Variants in PTDSS1 observed in about 807,000 individuals in gnomAD.
The protein encoded by PTDSS1 is PSS-1.
In PTDSS1, 45 loss-of-function variants were observed where a neutral mutation model predicts 70.5. The observed-to-expected ratio is 0.64, with a 90% CI of 0.50 to 0.82. The LOEUF is 0.82. Ranked by LOEUF, PTDSS1 falls within the 40% of genes least tolerant of loss-of-function variation. The pLI, the probability that PTDSS1 is intolerant of heterozygous loss-of-function variation, is 0.00. For missense variants in PTDSS1, 417 were observed against 586.1 expected (o/e 0.71, Z 2.98); for synonymous variants, 188 against 203.8 (o/e 0.92, Z 0.66).
At chr8:96,290,037 A>G (rs1810880053) in intron 4 of PTDSS1, among the ~76,000 whole-genome samples, 1 of 152,150 alleles carries the variant, frequency 6.6e-6, no homozygotes, top group South Asian at 2.1e-4. Flanking sequence ...TATTCTACAT[A>G]AGCCTCGTGC....
chr8:96,324,986 A>G (rs1811419263), intron 10 of PTDSS1, among the ~76,000 whole-genome samples: 1 of 152,222 alleles, frequency 6.6e-6, no homozygotes. Context: ...CTTCATTCAC[A>G]GACAGTTGCT....
At chr8:96,320,000 A>C (rs1268577461) in intron 9 of PTDSS1, among the ~76,000 whole-genome samples, 1 of 152,182 alleles carries the variant, frequency 6.6e-6, no homozygotes, top group Admixed American at 6.5e-5. Context: ...CAGTGCCCCT[A>C]GCTATTAAAA....
chr8:96,328,041 AC>A (rs1811462641), intron 10 of PTDSS1, among the ~76,000 whole-genome samples: 1 of 152,136 alleles, frequency 6.6e-6, no homozygotes, highest in Non-Finnish European at 1.5e-5. Flanking sequence ...CCTTTGTGTG[AC>A]GATTGTGATG....
intron 5 of PTDSS1, 130 bp downstream of exon 5, chr8:96,295,386 C>A: frequency 2.0e-6 from 2 of 992,772 alleles, no homozygotes; most frequent in Non-Finnish European, 2.7e-6. Context: ...GTATTTAAAC[C>A]ATCCCATAAG....
intron 5 of PTDSS1, among the ~76,000 whole-genome samples, chr8:96,296,995 G>T (rs186533441): frequency 6.6e-6 from 1 of 152,138 alleles, no homozygotes; most frequent in Non-Finnish European, 1.5e-5. Flanking sequence ...ATAGAGTTCT[G>T]TAGAGTCTTC....
At chr8:96,300,303 CATT>C (rs1431042940) in intron 6 of PTDSS1, among the ~76,000 whole-genome samples, 35 of 152,210 alleles carry the variant, frequency 2.3e-4, no homozygotes, top group Non-Finnish European at 4.3e-4. Flanking sequence ...TCAATACATC[CATT>C]ACCCCAGTAG....
Position 96,330,301 on chromosome 8 carries a change from CA to C in PTDSS1, c.1242+21del, listed in dbSNP as rs1266892609. 2.5e-6 allele frequency: 4 copies of C among 1,595,968 alleles called. No homozygotes were observed. The African/African-American group carries it at 5.4e-5, about 21-fold the overall frequency. On this transcript the variant is annotated intron_variant, in intron 11 of 12. Coordinates refer to ENST00000517309, the MANE Select transcript of PTDSS1 (RefSeq NM_014754.3). ...GAAAAGGTATGGAAGGAGAGGCAGG[CA>C]TGGCCATTGTTTAAAATAATCACCC...
chr8:96,286,650 A>G (rs556020452), intron 3 of PTDSS1, among the ~76,000 whole-genome samples: 6 of 152,326 alleles, frequency 3.9e-5, no homozygotes, highest in African/African-American at 1.4e-4. Flanking sequence ...CCTCTCTGCC[A>G]GTGCTCTAGC....
chr8:96,287,809 C>T (rs1810845587), intron 4 of PTDSS1, among the ~76,000 whole-genome samples: 1 of 152,130 alleles, frequency 6.6e-6, no homozygotes, highest in African/African-American at 2.4e-5. Context: ...ACTGAAGAGA[C>T]TAATTATGTG....
intron 2 of PTDSS1, among the ~76,000 whole-genome samples, chr8:96,273,628 G>C (rs1810598307): frequency 6.6e-6 from 1 of 152,148 alleles, no homozygotes; most frequent in Non-Finnish European, 1.5e-5. Flanking sequence ...AGACAGGTAC[G>C]GTTGTGAGGG....
At chr8:96,303,940 T>C in intron 6 of PTDSS1, 100 bp from the exon 7 acceptor site, 1 of 1,275,064 alleles carries the variant, frequency 7.8e-7, no homozygotes, top group Non-Finnish European at 1.1e-6. Context: ...GTCCTGAGCA[T>C]TTATTATAAA....
chr8:96,272,627 A>T (rs1810582650), intron 1 of PTDSS1, among the ~76,000 whole-genome samples: 1 of 152,224 alleles, frequency 6.6e-6, no homozygotes, highest in African/African-American at 2.4e-5. Flanking sequence ...ACCTCAGACA[A>T]GTTACTTAAT....
At chr8:96,275,897 A>G (rs540498131) in intron 2 of PTDSS1, among the ~76,000 whole-genome samples, 2 of 151,774 alleles carry the variant, frequency 1.3e-5, no homozygotes, top group African/African-American at 4.8e-5. Context: ...CTCTATTCCT[A>G]CTTTTCTCTT....
chr8:96,281,178 A>AT (rs1310090623), intron 2 of PTDSS1, among the ~76,000 whole-genome samples: 1 of 152,206 alleles, frequency 6.6e-6, no homozygotes, highest in East Asian at 1.9e-4. Flanking sequence ...CTCATCCTCG[A>AT]TTTTTTTTAA....
Position 96,333,915 on chromosome 8 carries a change from C to T in PTDSS1, c.*349C>T, listed in dbSNP as rs115533149. The T allele has an allele frequency of 0.01, 6,023 of 588,396 alleles. 244 individuals are homozygous for T. Among genetic ancestry groups the T allele is most frequent in the African/African-American group, 0.097 (5,241 of 53,796 alleles). The allele number at this position is 588,396 out of a possible 1,614,324, so 36.4% of individuals were successfully genotyped here. Reference sequence around the variant, plus strand: ...TGGATCGTGGATGCAGCGTAAACATCTTCCTTCAGACGAGGCATTAACCCC... The same window carrying T: ...TGGATCGTGGATGCAGCGTAAACATTTTCCTTCAGACGAGGCATTAACCCC... On this transcript the variant is annotated 3_prime_UTR_variant, in exon 13 of 13. Coordinates refer to ENST00000517309, the MANE Select transcript of PTDSS1 (RefSeq NM_014754.3).
At chr8:96,276,112 GA>G (rs375985111) in intron 2 of PTDSS1, among the ~76,000 whole-genome samples, 5 of 152,298 alleles carry the variant, frequency 3.3e-5, no homozygotes, top group Non-Finnish European at 5.9e-5. Flanking sequence ...GGCTCCTTAT[GA>G]AAAATTTGCT....
chr8:96,267,632 C>T (rs879741428), intron 1 of PTDSS1, among the ~76,000 whole-genome samples: 21 of 152,286 alleles, frequency 1.4e-4, no homozygotes, highest in South Asian at 2.1e-4. Flanking sequence ...TTCCATAAAA[C>T]GAAATTAGTA....
rs1439372762 is a variant in PTDSS1 at position 96,334,320 on chromosome 8, A to T, written c.*754A>T. 2.0e-5 allele frequency: 3 copies of T among 152,938 alleles called. No homozygotes were observed. The highest frequency in any genetic ancestry group is 7.2e-5 in the African/African-American group (3 of 41,452). 9.5% of individuals were successfully genotyped at this position (152,938 alleles called of 1,614,324 possible). Reference sequence around the variant, plus strand: ...GACTTAGCCACAGTGCACAAAAGCAAACCTGCTAGAGAGGCAGTGAACACC... The same window carrying T: ...GACTTAGCCACAGTGCACAAAAGCATACCTGCTAGAGAGGCAGTGAACACC... On this transcript the variant is annotated 3_prime_UTR_variant, in exon 13 of 13. Coordinates refer to ENST00000517309, the MANE Select transcript of PTDSS1 (RefSeq NM_014754.3).
At chr8:96,324,975 G>A (rs185453297) in intron 10 of PTDSS1, among the ~76,000 whole-genome samples, 85 of 152,248 alleles carry the variant, frequency 5.6e-4, no homozygotes, top group African/African-American at 2.0e-3. Flanking sequence ...CTTAGTCCGG[G>A]CTTCATTCAC....
Sources: allele counts gnomAD v4.1 joint callset (sites outside exome capture counted in the v4.1 genomes callset), GRCh38; gene constraint gnomAD v4.1.1; transcripts MANE v1.5; gene names NCBI Gene and HGNC (gene_info 2026-07-23, HGNC 2026-07-21).